EPS8: variants seen among roughly 807,000 people sequenced by gnomAD.
EPS8 encodes the protein EGFR pathway substrate 8, signaling adaptor, also known as epidermal growth factor receptor kinase substrate 8.
EPS8 carries 42 observed loss-of-function variants against 103.8 expected under a neutral mutation model. That is an observed-to-expected ratio of 0.40 (90% confidence interval 0.32 to 0.52). The LOEUF is 0.52. Ranked by LOEUF, EPS8 falls within the 20% of genes least tolerant of loss-of-function variation. The pLI is 0.40. For synonymous variants in EPS8, 344 were observed against 344.6 expected (o/e 1.00, Z 0.02); for missense variants, 969 against 1,005.1 (o/e 0.96, Z 0.49).
rs1220238173 is a variant in EPS8 at position 15,734,519 on chromosome 12, C to T, written c.-21-51547G>A. 6.6e-6 allele frequency among the ~76,000 whole-genome samples: 1 copy of T among 152,002 alleles called. No individual in the cohort carries two copies. The highest frequency in any genetic ancestry group is 2.4e-5 in the African/African-American group (1 of 41,398). On this transcript the variant is annotated intron_variant, in intron 1 of 20. Coordinates refer to ENST00000281172, the MANE Select transcript of EPS8 (RefSeq NM_004447.6). This position sits in a 1 kb window ranked among gnomAD's most constrained non-coding sequence, Gnocchi z 4.1. ...ACCATCCTGGCTAACACGGTGAAAC[C>T]CCGTCTCTACTAAAAATACAAAGAA...
chr12:15,680,986 T>G (rs912265813), intron 3 of EPS8, among the ~76,000 whole-genome samples: 1 of 152,108 alleles, frequency 6.6e-6, no homozygotes, highest in Non-Finnish European at 1.5e-5. Context: ...GCACCATGCA[T>G]AGGACTTTTG....
rs774556357 is a variant in EPS8, at chr12:15,660,633, A to C, written c.918T>G (p.Gly306=). Residue 306 remains glycine, a synonymous_variant, in exon 10 of 21, where the codon GGT becomes GGG. Coordinates refer to ENST00000281172, the MANE Select transcript of EPS8 (RefSeq NM_004447.6). ...ELSKRKKNKK[G]KRKGPGEGVL... ...ACTTACCTCCTGGTCCTTTCCTTTT[A>C]CCTTTCTTGTTTTTCTTCCTTTTAG... 1 of 1,543,240 alleles carries C rather than the reference A, an allele frequency of 6.5e-7. No homozygotes were observed.
chr12:15,762,347 T>C lies in EPS8; in HGVS notation c.-22+26814A>G, dbSNP rs1007632692. Among the ~76,000 whole-genome samples, 1 of 152,214 alleles carries C rather than the reference T, an allele frequency of 6.6e-6. No individual in the cohort carries two copies. The highest frequency in any genetic ancestry group is 1.5e-5 in the Non-Finnish European group (1 of 68,022). ...ATACACTGTTGGTGGCGATGTAAAT[T>C]ACTGCAACCGCTATGCAGAACAGTT... On this transcript the variant is annotated intron_variant, in intron 1 of 20. Transcript: ENST00000281172. This position sits in a 1 kb window ranked among gnomAD's most constrained non-coding sequence, Gnocchi z 4.8.
rs962249017 is a variant in EPS8, at chr12:15,690,458, T to TA, written c.-21-7487dup. Among the ~76,000 whole-genome samples, 2 of 152,152 alleles carry TA rather than the reference T, an allele frequency of 1.3e-5. No individual in the cohort carries two copies. The highest frequency in any genetic ancestry group is 2.9e-5 in the Non-Finnish European group (2 of 68,012). On this transcript the variant is annotated intron_variant, in intron 1 of 20. Coordinates refer to ENST00000281172, the MANE Select transcript of EPS8 (RefSeq NM_004447.6). The surrounding 1 kb of genome is among the most constrained non-coding windows in gnomAD (Gnocchi z 4.7). ...AACTACTTCTCATATATTTTATTGATAGTCACTATTTCTTATCTCAACTTC... is the reference window on the plus strand; with the variant it reads ...AACTACTTCTCATATATTTTATTGATAAGTCACTATTTCTTATCTCAACTTC...
intron 1 of EPS8, among the ~76,000 whole-genome samples, chr12:15,715,511 A>C (rs1323158030): frequency 6.7e-6 from 1 of 148,334 alleles, no homozygotes; most frequent in Non-Finnish European, 1.5e-5. Context: ...TCTCCTCCCG[A>C]ATAGCTGGGA....
intron 8 of EPS8, among the ~76,000 whole-genome samples, chr12:15,664,301 G>A (rs188044413): frequency 6.6e-6 from 1 of 151,548 alleles, no homozygotes; most frequent in African/African-American, 2.4e-5. Context: ...TTAAATAAAT[G>A]CATCAAAGAA....
intron 1 of EPS8, among the ~76,000 whole-genome samples, chr12:15,703,810 T>C (rs932316297): frequency 2.7e-5 from 4 of 149,488 alleles, no homozygotes; most frequent in African/African-American, 7.4e-5. Flanking sequence ...TTCATTTCTA[T>C]AGGAATCTTC....
intron 1 of EPS8, among the ~76,000 whole-genome samples, chr12:15,737,525 T>C (rs1044325005): frequency 2.0e-5 from 3 of 152,174 alleles, no homozygotes; most frequent in East Asian, 1.9e-4. Context: ...GCCTAATGTA[T>C]ATGAACTCAT....
intron 1 of EPS8, among the ~76,000 whole-genome samples, chr12:15,766,324 C>CAA (rs201871648): frequency 1.3e-4 from 20 of 150,752 alleles, no homozygotes; most frequent in African/African-American, 4.9e-4. Context: ...CTAAAAAATA[C>CAA]AAAAAAATAC....
At chr12:15,718,886 C>T (rs937884844) in intron 1 of EPS8, among the ~76,000 whole-genome samples, 3 of 152,090 alleles carry the variant, frequency 2.0e-5, no homozygotes, top group African/African-American at 4.8e-5. Context: ...AAAAAAAAGG[C>T]ATTTCTTACA....
At chr12:15,712,359 G>A (rs762380631) in intron 1 of EPS8, among the ~76,000 whole-genome samples, 1 of 152,102 alleles carries the variant, frequency 6.6e-6, no homozygotes, top group Non-Finnish European at 1.5e-5. Context: ...AACCTAAGAA[G>A]TCTAAACCTG....
intron 15 of EPS8, among the ~76,000 whole-genome samples, chr12:15,644,590 C>T (rs1450294913): frequency 6.6e-6 from 1 of 151,482 alleles, no homozygotes; most frequent in Non-Finnish European, 1.5e-5. Flanking sequence ...CCCAGCTACT[C>T]AGGAGGTTGA....
chr12:15,661,385 T>TA (rs1945602720), intron 9 of EPS8, among the ~76,000 whole-genome samples: 1 of 152,166 alleles, frequency 6.6e-6, no homozygotes, highest in African/African-American at 2.4e-5. Flanking sequence ...TAGTGTGCTG[T>TA]AAAAATTGAA....
chr12:15,627,535 C>T (rs1466944726), intron 18 of EPS8, among the ~76,000 whole-genome samples: 1 of 151,572 alleles, frequency 6.6e-6, no homozygotes, highest in African/African-American at 2.4e-5. Context: ...AAATGAAGGC[C>T]AAAAACAGAG....
intron 8 of EPS8, chr12:15,662,630 C>T (rs1945625859): frequency 1.6e-5 from 16 of 985,180 alleles, no homozygotes; most frequent in African/African-American, 7.0e-5. Context: ...AAGCTACATG[C>T]TTTAAAAGCA....
chr12:15,742,877 C>T (rs1274180510), intron 1 of EPS8, among the ~76,000 whole-genome samples: 1 of 152,212 alleles, frequency 6.6e-6, no homozygotes, highest in African/African-American at 2.4e-5. Flanking sequence ...TCTCTCACCA[C>T]TCCTATTCAG....
intron 17 of EPS8, among the ~76,000 whole-genome samples, chr12:15,639,254 T>G (rs1945188043): frequency 6.6e-6 from 1 of 152,168 alleles, no homozygotes; most frequent in Admixed American, 6.5e-5. Flanking sequence ...AAGCATATAC[T>G]ACCTCTATGG....
Position 15,695,557 on chromosome 12 carries a change from C to T in EPS8, c.-21-12585G>A, listed in dbSNP as rs1345970589. Among the ~76,000 whole-genome samples, 1 of 152,170 alleles carries T rather than the reference C, an allele frequency of 6.6e-6. No individual in the cohort carries two copies. The highest frequency in any genetic ancestry group is 1.5e-5 in the Non-Finnish European group (1 of 68,036). On this transcript the variant is annotated intron_variant, in intron 1 of 20. Coordinates refer to ENST00000281172, the MANE Select transcript of EPS8 (RefSeq NM_004447.6). The surrounding 1 kb of genome is among the most constrained non-coding windows in gnomAD (Gnocchi z 5.0). ...TTAGTTTACATTTAAATGTTAATAA[C>T]CACATATAGACTAACAGCTACCACA...
Position 15,665,901 on chromosome 12 carries a change from G to T in EPS8, c.600-9C>A, listed in dbSNP as rs1285532560. On this transcript the variant is annotated splice_polypyrimidine_tract_variant and intron_variant, in intron 7 of 20. Coordinates refer to ENST00000281172, the MANE Select transcript of EPS8 (RefSeq NM_004447.6). ...CTGCATTGGAAATCATCCTTAAAAA[G>T]ATGAAAACAAATAGAATTTTTACCA... 6.2e-7 allele frequency: 1 copy of T among 1,612,384 alleles called. No individual in the cohort carries two copies. The highest frequency in any genetic ancestry group is 8.5e-7 in the Non-Finnish European group (1 of 1,179,302).
Sources: gnomAD v4.1 joint callset for allele counts (sites outside exome capture counted in the v4.1 genomes callset) on GRCh38, gnomAD v4.1.1 for gene constraint, Gnocchi (gnomAD v3.1) non-coding constraint, MANE v1.5 for transcripts, NCBI Gene and HGNC (gene_info 2026-07-23, HGNC 2026-07-21) for gene names.